The following RIN2 variants were observed in gnomAD, a reference collection of about 807,000 sequenced individuals.
The protein encoded by RIN2 is Ras and Rab interactor 2.
A neutral mutation model predicts 78.0 loss-of-function variants in RIN2; 36 were observed. That is an observed-to-expected ratio of 0.46 (90% CI 0.35 to 0.61). The LOEUF (loss-of-function observed/expected upper bound fraction) is 0.61. Ranked by LOEUF, RIN2 falls within the 20% of genes least tolerant of loss-of-function variation. The pLI is 0.00. For missense variants in RIN2, 1,087 were observed against 1,159.7 expected, an observed-to-expected ratio of 0.94 and a Z score of 0.91; for synonymous variants, 466 against 466.8, an observed-to-expected ratio of 1.00 and a Z score of 0.02.
At chr20:19,969,295 G>T (rs1462721990) in intron 7 of RIN2, among the ~76,000 whole-genome samples, 2 of 152,162 alleles carry the variant, frequency 1.3e-5, no homozygotes, top group African/African-American at 2.4e-5. Context: ...AGTCCAGGCA[G>T]GACTCCAAGT....
intron 2 of RIN2, among the ~76,000 whole-genome samples, chr20:19,861,707 G>A (rs975068096): frequency 4.8e-5 from 7 of 144,910 alleles, no homozygotes; most frequent in Admixed American, 2.1e-4. Context: ...CTCCATATCT[G>A]ATGATCATCC....
chr20:19,816,228 A>G (rs1235009763), intron 2 of RIN2, among the ~76,000 whole-genome samples: 1 of 152,240 alleles, frequency 6.6e-6, no homozygotes, highest in Non-Finnish European at 1.5e-5. Context: ...AAGAATTCCT[A>G]AAGTCATGCC....
rs535870920 is a variant in RIN2, at chr20:19,845,755, G to T, written c.-36-43811G>T. ...AATTAGATCCCATTTGTCTATTTTG[G>T]CTTTTGTTGCCATTGCTTTTGGTGT... On this transcript the variant is annotated intron_variant, in intron 2 of 12. Transcript: ENST00000255006. Among the ~76,000 whole-genome samples, 54 of 152,082 alleles carry T rather than the reference G, an allele frequency of 3.6e-4. 1 individual carries two copies. In the South Asian group the frequency reaches 0.011, roughly 30 times the overall value.
chr20:19,989,440 A>T (rs181898180), intron 9 of RIN2, among the ~76,000 whole-genome samples: 3,111 of 151,740 alleles, frequency 0.021, 122 homozygotes, highest in African/African-American at 0.071. Flanking sequence ...TGCCCAGCTA[A>T]TTTTTTTGTA....
At chr20:19,939,718 T>C (rs762070514) in intron 4 of RIN2, among the ~76,000 whole-genome samples, 2 of 152,190 alleles carry the variant, frequency 1.3e-5, no homozygotes, top group Non-Finnish European at 2.9e-5. Flanking sequence ...TCCTTCTGTC[T>C]GGCACATCCT....
intron 6 of RIN2, among the ~76,000 whole-genome samples, chr20:19,963,670 A>G (rs2041840374): frequency 1.3e-5 from 2 of 151,722 alleles, no homozygotes; most frequent in Admixed American, 1.3e-4. Flanking sequence ...GAAGAAACAC[A>G]TCGGATTGAG....
At chr20:19,798,819 G>C (rs974684355) in intron 1 of RIN2, among the ~76,000 whole-genome samples, 1 of 152,148 alleles carries the variant, frequency 6.6e-6, no homozygotes, top group African/African-American at 2.4e-5. Context: ...CAAGGTGACT[G>C]CATTCATGCA....
chr20:19,825,579 A>C (rs879369542), intron 2 of RIN2, among the ~76,000 whole-genome samples: 3 of 152,138 alleles, frequency 2.0e-5, no homozygotes, highest in Non-Finnish European at 2.9e-5. Flanking sequence ...GTGTTGCAAA[A>C]TCCCACCATA....
intron 2 of RIN2, among the ~76,000 whole-genome samples, chr20:19,802,961 TA>T (rs1291435935): frequency 1.3e-5 from 2 of 152,212 alleles, no homozygotes; most frequent in African/African-American, 4.8e-5. Flanking sequence ...ACCCCTCTTT[TA>T]TCTTCTCTTG....
chr20:19,815,343 A>G (rs2035732447), intron 2 of RIN2, among the ~76,000 whole-genome samples: 1 of 152,246 alleles, frequency 6.6e-6, no homozygotes, highest in African/African-American at 2.4e-5. Context: ...GTTCGATAGT[A>G]GTCAATAAAA....
chr20:19,993,579 G>A (rs1166506659), intron 11 of RIN2, among the ~76,000 whole-genome samples: 2 of 152,070 alleles, frequency 1.3e-5, no homozygotes, highest in Non-Finnish European at 2.9e-5. Context: ...TCCCAGGCAG[G>A]TATGAATGGG....
intron 12 of RIN2, among the ~76,000 whole-genome samples, chr20:19,997,803 G>A (rs146531580): frequency 2.6e-5 from 4 of 152,050 alleles, no homozygotes; most frequent in East Asian, 1.9e-4. Context: ...TTCCTGATTT[G>A]CTCATTGTCT....
At chr20:19,863,446 A>C (rs1310441332) in intron 2 of RIN2, among the ~76,000 whole-genome samples, 1 of 152,102 alleles carries the variant, frequency 6.6e-6, no homozygotes, top group Non-Finnish European at 1.5e-5. Context: ...ATGTCCCCAC[A>C]AGCAGCCTTC....
At chr20:19,766,890 C>CA in intron 1 of RIN2, among the ~76,000 whole-genome samples, 1 of 143,576 alleles carries the variant, frequency 7.0e-6, no homozygotes, top group African/African-American at 2.6e-5. Flanking sequence ...CCAGCCTGGG[C>CA]AATAGCGTGA....
At chr20:19,884,616 G>T (rs931894549) in intron 2 of RIN2, among the ~76,000 whole-genome samples, 1 of 152,084 alleles carries the variant, frequency 6.6e-6, no homozygotes, top group African/African-American at 2.4e-5. Context: ...GTCAAACAGT[G>T]ATCCAAGACA....
At chr20:19,838,939 G>C (rs944758745) in intron 2 of RIN2, among the ~76,000 whole-genome samples, 2 of 152,080 alleles carry the variant, frequency 1.3e-5, no homozygotes, top group African/African-American at 4.8e-5. Flanking sequence ...ACACCAGCTT[G>C]TCAGCCTGGA....
chr20:20,001,259 A>G lies in RIN2; in HGVS notation c.*323A>G, dbSNP rs955646583. 12 of 240,356 alleles carry G rather than the reference A, an allele frequency of 5.0e-5. No homozygotes were observed. Among genetic ancestry groups the G allele is most frequent in the South Asian group, 1.4e-4 (1 of 7,078 alleles). The allele number at this position is 240,356 out of a possible 1,614,324, so 14.9% of individuals were successfully genotyped here. On this transcript the variant is annotated 3_prime_UTR_variant, in exon 13 of 13. Transcript: ENST00000255006. ...TATGTGCAGAAGAAACACTTAAGAT[A>G]CAAGTTCTTTTGAATTCAACAGCAG... is the stretch of plus-strand genomic sequence containing the variant.
chr20:19,822,481 T>C (rs537290307), intron 2 of RIN2, among the ~76,000 whole-genome samples: 1 of 152,204 alleles, frequency 6.6e-6, no homozygotes, highest in Admixed American at 6.5e-5. Flanking sequence ...TAAACAGATA[T>C]CCTGATTTCA....
At chr20:19,793,738 C>T (rs961027029) in intron 1 of RIN2, among the ~76,000 whole-genome samples, 7 of 152,198 alleles carry the variant, frequency 4.6e-5, no homozygotes, top group African/African-American at 1.7e-4. Flanking sequence ...ATTAGGATTA[C>T]AGAACAATGT....
Sources: allele counts gnomAD v4.1 joint callset (sites outside exome capture counted in the v4.1 genomes callset), GRCh38; gene constraint gnomAD v4.1.1; transcripts MANE v1.5; gene names NCBI Gene and HGNC (gene_info 2026-07-23, HGNC 2026-07-21).